RC3H1: variants seen among roughly 807,000 people sequenced by gnomAD.
RC3H1 encodes the protein ring finger and CCCH-type domains 1.
Under a neutral mutation model 138.2 loss-of-function variants are expected in RC3H1, and 50 were observed. The ratio of observed to expected loss-of-function variants is 0.36; its 90% CI spans 0.29 to 0.46. The LOEUF is 0.46. Ranked by LOEUF, RC3H1 falls within the 20% of genes least tolerant of loss-of-function variation. The pLI, the probability that RC3H1 is intolerant of heterozygous loss-of-function variation, is 1.00. For missense variants in RC3H1, 1,031 were observed against 1,388.1 expected (o/e 0.74, Z 4.09); for synonymous variants, 462 against 489.1 (o/e 0.94, Z 0.73).
chr1:173,972,732 T>C lies in RC3H1; in HGVS notation c.1103-105A>G. On this transcript the variant is annotated intron_variant, in intron 7 of 19. Transcript: ENST00000367696. The stretch of plus-strand genomic sequence containing the variant: ...TGAAAACATTTCAGTGAAATCAAGC[T>C]TCACACCTTAGCTTTTTAGATAATA... 3 of 739,866 alleles carry C rather than the reference T, an allele frequency of 4.1e-6. No homozygotes were observed. The South Asian group carries it at 4.8e-5, about 12-fold the overall frequency. The allele number at this position is 739,866 out of a possible 1,614,324, so 45.8% of individuals were successfully genotyped here. A position where few individuals can be genotyped will look rare whatever the true frequency, so the allele number is the denominator to read the frequency against.
At chr1:173,977,115 G>A (rs1194268021) in intron 7 of RC3H1, among the ~76,000 whole-genome samples, 1 of 151,850 alleles carries the variant, frequency 6.6e-6, no homozygotes, top group Non-Finnish European at 1.5e-5. Context: ...TAGTAGAGAC[G>A]GGGTTTCATC....
At position 173,938,808 on chromosome 1, in the gene RC3H1, GCTGGT is replaced by G; in HGVS notation, c.3310_3314del (p.Thr1104LeufsTer9). ...CAGGGTCCTCTGACAGGTTCAGAGA[GCTGGT>G]CTTGTTTGATAGGAGGCTGATATTC... On this transcript the variant is annotated frameshift_variant, in exon 20 of 20. Transcript: ENST00000367696. LOFTEE classifies it high-confidence loss of function. 2 of 1,613,428 alleles carry G rather than the reference GCTGGT, an allele frequency of 1.2e-6. No individual in the cohort carries two copies. The highest frequency in any genetic ancestry group is 1.7e-6 in the Non-Finnish European group (2 of 1,179,396).
Position 173,964,995 on chromosome 1 carries a change from C to T in RC3H1, c.1460G>A (p.Ser487Asn). Residue 487 changes from serine to asparagine, a missense_variant, in exon 10 of 20, where the codon AGC (serine) becomes AAC (asparagine). Transcript: ENST00000367696. ...LPDEGAVDLP[S>N]RKPPALPNGI... ...ATTTGGCAGAGCAGGAGGTTTTCTG[C>T]TAGGGAGATCCACTGCACCTTCATC... The T allele has an allele frequency of 6.2e-7, 1 of 1,614,050 alleles. No individual in the cohort carries two copies. Among genetic ancestry groups the T allele is most frequent in the Non-Finnish European group, 8.5e-7 (1 of 1,180,022 alleles).
rs1295796338 is a variant in RC3H1 at position 173,931,624 on chromosome 1, G to C, written c.*7097C>G. 2 of 152,050 alleles carry C rather than the reference G, an allele frequency of 1.3e-5. No homozygotes were observed. Among genetic ancestry groups the C allele is most frequent in the Non-Finnish European group, 2.9e-5 (2 of 68,006 alleles). 9.4% of individuals were successfully genotyped at this position (152,050 alleles called of 1,614,324 possible). A position where few individuals can be genotyped will look rare whatever the true frequency, so the allele number is the denominator to read the frequency against. ...TGTTTTGAAAGCTGCTTAAAAATCA[G>C]AAATATTAAACAGATTAAAAACAAG... On this transcript the variant is annotated 3_prime_UTR_variant, in exon 20 of 20. Coordinates refer to ENST00000367696, the MANE Select transcript of RC3H1 (RefSeq NM_172071.4).
intron 14 of RC3H1, 94 bp from the exon 15 acceptor site, chr1:173,947,676 A>T: frequency 2.3e-6 from 2 of 867,908 alleles, no homozygotes; most frequent in Non-Finnish European, 3.7e-6. Flanking sequence ...AGAAGAGTAC[A>T]GCACTCTTAC....
chr1:173,973,776 C>T (rs1029087021), intron 7 of RC3H1, among the ~76,000 whole-genome samples: 2 of 152,006 alleles, frequency 1.3e-5, no homozygotes, highest in African/African-American at 4.8e-5. Flanking sequence ...TTGAACTGGG[C>T]TTTGAAGGAC....
At chr1:173,992,685 C>T in intron 2 of RC3H1, 70 bp downstream of exon 2, 1 of 1,126,708 alleles carries the variant, frequency 8.9e-7, no homozygotes, top group Non-Finnish European at 1.3e-6. Context: ...CACACACACA[C>T]ACACACACAC....
chr1:174,011,675 T>C (rs1027408499), intron 1 of RC3H1, among the ~76,000 whole-genome samples: 2 of 151,886 alleles, frequency 1.3e-5, no homozygotes, highest in African/African-American at 4.8e-5. Flanking sequence ...CAAAAGAAAA[T>C]CAAGAGACTG....
Position 173,964,126 on chromosome 1 carries a change from T to C in RC3H1, c.1678A>G (p.Arg560Gly). The change falls in exon 11 of 20, where the codon AGG becomes GGG. Residue 560 changes from arginine (R) to glycine (G), a missense_variant. Coordinates refer to ENST00000367696, the MANE Select transcript of RC3H1 (RefSeq NM_172071.4). ...ATTGGAGGCAGATCTGCTGGCCCCC[T>C]TGGAGGTATAGAATGTGGATTCACA... ...LPVNPHSIPPRGPADLPPMPV... is the reference protein window; with the variant it reads ...LPVNPHSIPPGGPADLPPMPV... 1 of 1,614,160 alleles carries C rather than the reference T, an allele frequency of 6.2e-7. No homozygotes were observed. Among genetic ancestry groups the C allele is most frequent in the Non-Finnish European group, 8.5e-7 (1 of 1,180,008 alleles).
Position 173,961,717 on chromosome 1 carries a change from C to A in RC3H1, c.2202+8G>T. The stretch of plus-strand genomic sequence containing the variant: ...TAAGTCTATGTAATAAAAAAAAATA[C>A]AGCATACTCTGAGGTACGAAGGTCT... On this transcript the variant is annotated splice_region_variant and intron_variant, in intron 12 of 19. Transcript: ENST00000367696. 1 of 1,596,964 alleles carries A rather than the reference C, an allele frequency of 6.3e-7. No homozygotes were observed. The highest frequency in any genetic ancestry group is 8.5e-7 in the Non-Finnish European group (1 of 1,172,188).
chr1:173,960,458 T>G (rs749541402), intron 13 of RC3H1, among the ~76,000 whole-genome samples: 1 of 152,214 alleles, frequency 6.6e-6, no homozygotes, highest in Non-Finnish European at 1.5e-5. Flanking sequence ...TTTTACATTT[T>G]TGGTATGAAA....
In RC3H1 at chr1:174,008,656, G is replaced by A. The variant is rs539543826; in HGVS notation, c.-151+13440C>T. 7.9e-5 allele frequency among the ~76,000 whole-genome samples: 12 copies of A among 152,152 alleles called. 1 individual carries two copies. The South Asian group carries it at 2.3e-3, about 29-fold the overall frequency. ...TTATTATTTTATCTTTATATAAAGC[G>A]GTTTGAAACAGAAATTAAATTGTAA... is the stretch of plus-strand genomic sequence containing the variant. On this transcript the variant is annotated intron_variant, in intron 1 of 19. Coordinates refer to ENST00000367696, the MANE Select transcript of RC3H1 (RefSeq NM_172071.4).
chr1:173,956,667 T>TA (rs75866304), intron 13 of RC3H1, among the ~76,000 whole-genome samples: 10,254 of 84,880 alleles, frequency 0.12, 378 homozygotes, highest in Non-Finnish European at 0.16. Context: ...CTCAAAAAAT[T>TA]AAAAAAAAAA....
chr1:173,958,536 ACT>A lies in RC3H1; in HGVS notation c.2370+2539_2370+2540del, dbSNP rs567326627. Among the ~76,000 whole-genome samples the A allele has an allele frequency of 7.3e-5, 11 of 151,704 alleles. 1 individual carries two copies. In the South Asian group the frequency reaches 1.7e-3, roughly 23 times the overall value. On this transcript the variant is annotated intron_variant, in intron 13 of 19. Transcript: ENST00000367696. ...ACTCCAGCCTGGGCGACAGAGCAAG[ACT>A]CTGTCTCACAAAACAAAAAAAAAAA...
chr1:173,936,258 T>C lies in RC3H1; in HGVS notation c.*2463A>G, dbSNP rs1047057152. 4 of 152,108 alleles carry C rather than the reference T, an allele frequency of 2.6e-5. No homozygotes were observed. The highest frequency in any genetic ancestry group is 2.1e-4 in the South Asian group (1 of 4,830). The allele number at this position is 152,108 out of a possible 1,614,324, so 9.4% of individuals were successfully genotyped here. ...AATTATCTTCTAATACAAGAATCAT[T>C]CTGAATTCCAAAGTGAATCAACTGC... On this transcript the variant is annotated 3_prime_UTR_variant, in exon 20 of 20. Transcript: ENST00000367696.
chr1:173,945,181 T>A (rs1659080875), intron 17 of RC3H1, among the ~76,000 whole-genome samples: 1 of 151,358 alleles, frequency 6.6e-6, no homozygotes, highest in South Asian at 2.1e-4. Context: ...TGGAGTGCAG[T>A]GGCACCATCA....
rs1364980154 is a variant in RC3H1 at position 173,931,349 on chromosome 1, C to T, written c.*7372G>A. Reference sequence around the variant, plus strand: ...TTAAAATAAATCATTTTATCTGCAACTCATGGGAGCCTTAAACACTAATTA... The same window carrying T: ...TTAAAATAAATCATTTTATCTGCAATTCATGGGAGCCTTAAACACTAATTA... On this transcript the variant is annotated 3_prime_UTR_variant, in exon 20 of 20. Coordinates refer to ENST00000367696, the MANE Select transcript of RC3H1 (RefSeq NM_172071.4). The T allele has an allele frequency of 3.3e-5, 5 of 152,136 alleles. No homozygotes were observed. The highest frequency in any genetic ancestry group is 7.3e-5 in the Non-Finnish European group (5 of 68,030). The allele number at this position is 152,136 out of a possible 1,614,324, so 9.4% of individuals were successfully genotyped here.
chr1:173,991,451 T>C (rs1661284297), intron 2 of RC3H1, among the ~76,000 whole-genome samples: 1 of 152,228 alleles, frequency 6.6e-6, no homozygotes, highest in Non-Finnish European at 1.5e-5. Flanking sequence ...TATCTGAATG[T>C]CACCGGTTTC....
intron 13 of RC3H1, among the ~76,000 whole-genome samples, chr1:173,960,107 C>CAAAA (rs58330993): frequency 8.2e-4 from 42 of 50,994 alleles, no homozygotes; most frequent in African/African-American, 2.3e-3. Flanking sequence ...GACTCCGACT[C>CAAAA]AAAAAAAAAA....
Sources: gnomAD v4.1 joint callset for allele counts (sites outside exome capture counted in the v4.1 genomes callset) on GRCh38, gnomAD v4.1.1 for gene constraint, MANE v1.5 for transcripts, NCBI Gene and HGNC (gene_info 2026-07-23, HGNC 2026-07-21) for gene names.